Variants in PRKG1 observed in about 807,000 individuals in gnomAD.
The protein encoded by PRKG1 is protein kinase cGMP-dependent 1, also known as cGMP-dependent protein kinase 1.
A neutral mutation model predicts 88.1 loss-of-function variants in PRKG1; 35 were observed. That is an observed-to-expected ratio of 0.40 (90% CI 0.30 to 0.53). The LOEUF is 0.53. Among genes scored for constraint, PRKG1 ranks in the 20% least tolerant of loss-of-function variants. The pLI is 0.59. For synonymous variants in PRKG1, 303 were observed against 292.5 expected (o/e 1.04, Z -0.37); for missense variants, 540 against 839.8 (o/e 0.64, Z 4.41).
chr10:51,741,257 T>C (rs1837426698), intron 3 of PRKG1, among the ~76,000 whole-genome samples: 2 of 152,200 alleles, frequency 1.3e-5, no homozygotes, highest in African/African-American at 4.8e-5. Context: ...ATATGTATCA[T>C]GCACTCAGTT....
chr10:51,929,169 G>A (rs988487807), intron 5 of PRKG1, among the ~76,000 whole-genome samples: 6 of 152,076 alleles, frequency 3.9e-5, no homozygotes, highest in Non-Finnish European at 8.8e-5. Flanking sequence ...ACCAATTGCT[G>A]AGGAGTTATC....
chr10:52,211,884 C>T (rs1006945873), intron 9 of PRKG1, among the ~76,000 whole-genome samples: 3 of 151,766 alleles, frequency 2.0e-5, no homozygotes, highest in Non-Finnish European at 4.4e-5. Flanking sequence ...AGAAAAAAAA[C>T]TTGTATGAAA....
At chr10:51,404,434 C>G (rs1349922586) in intron 2 of PRKG1, among the ~76,000 whole-genome samples, 1 of 152,180 alleles carries the variant, frequency 6.6e-6, no homozygotes, top group Non-Finnish European at 1.5e-5. Context: ...AGAAAACAAA[C>G]CCAGCTGGAC....
intron 1 of PRKG1, among the ~76,000 whole-genome samples, chr10:51,142,523 A>G (rs1016782503): frequency 8.5e-5 from 13 of 152,048 alleles, no homozygotes; most frequent in African/African-American, 2.4e-4. Flanking sequence ...AGAGACACAG[A>G]CATAGAGAGA....
At chr10:51,181,303 G>A (rs1020263202) in intron 2 of PRKG1, among the ~76,000 whole-genome samples, 4 of 141,074 alleles carry the variant, frequency 2.8e-5, no homozygotes, top group African/African-American at 1.1e-4. Flanking sequence ...CTGCAGTGGC[G>A]CAATCTCGGC....
intron 3 of PRKG1, among the ~76,000 whole-genome samples, chr10:51,546,333 A>G (rs181384826): frequency 4.6e-5 from 7 of 152,202 alleles, no homozygotes; most frequent in Admixed American, 2.0e-4. Context: ...TAGTCTGAAA[A>G]TGGACTAATA....
At chr10:51,451,140 T>C (rs763694411) in intron 2 of PRKG1, among the ~76,000 whole-genome samples, 91 of 151,946 alleles carry the variant, frequency 6.0e-4, no homozygotes, top group Admixed American at 1.2e-3. Context: ...AAATTTGTGA[T>C]TTACTAATAG....
At chr10:51,214,537 A>C (rs1028214320) in intron 2 of PRKG1, among the ~76,000 whole-genome samples, 6 of 151,936 alleles carry the variant, frequency 3.9e-5, no homozygotes, top group Admixed American at 6.6e-5. Context: ...GCTGGAGCGC[A>C]GTGGCATGAT....
chr10:52,283,269 T>TC (rs1842038805), intron 14 of PRKG1, among the ~76,000 whole-genome samples: 1 of 152,004 alleles, frequency 6.6e-6, no homozygotes, highest in African/African-American at 2.4e-5. Context: ...GTTGCAGTAA[T>TC]TTAGTTCTAG....
intron 7 of PRKG1, among the ~76,000 whole-genome samples, chr10:52,106,841 A>T (rs1564471513): frequency 6.6e-6 from 1 of 151,950 alleles, no homozygotes; most frequent in Non-Finnish European, 1.5e-5. Flanking sequence ...ACACATAATG[A>T]GAGTGCCTTT....
intron 7 of PRKG1, among the ~76,000 whole-genome samples, chr10:52,132,968 A>G (rs1837307339): frequency 6.6e-6 from 1 of 152,108 alleles, no homozygotes; most frequent in Admixed American, 6.6e-5. Flanking sequence ...AATTACATTA[A>G]GTTATTTAAA....
intron 5 of PRKG1, among the ~76,000 whole-genome samples, chr10:52,013,708 TAATG>T (rs1844960430): frequency 6.6e-6 from 1 of 152,206 alleles, no homozygotes; most frequent in South Asian, 2.1e-4. Flanking sequence ...ATTTTGACTT[TAATG>T]TGTGTTTGAA....
chr10:52,225,861 C>T (rs766580227), intron 9 of PRKG1, among the ~76,000 whole-genome samples: 4 of 151,950 alleles, frequency 2.6e-5, no homozygotes, highest in Non-Finnish European at 4.4e-5. Flanking sequence ...TTTTTTTGTG[C>T]CAGTACCACA....
chr10:52,288,646 C>A (rs1367779189), intron 14 of PRKG1, 80 bp from the exon 15 acceptor site: 1 of 1,384,580 alleles, frequency 7.2e-7, no homozygotes, highest in East Asian at 2.4e-5. Context: ...TTGATGTCAT[C>A]TGTGGAGTTT....
intron 2 of PRKG1, among the ~76,000 whole-genome samples, chr10:51,406,696 A>G (rs1837930091): frequency 6.6e-6 from 1 of 151,916 alleles, no homozygotes; most frequent in African/African-American, 2.4e-5. Context: ...AGCATGTGCA[A>G]CAATAGGTGA....
At chr10:51,216,802 G>A (rs1468987173) in intron 2 of PRKG1, among the ~76,000 whole-genome samples, 1 of 152,082 alleles carries the variant, frequency 6.6e-6, no homozygotes, top group Non-Finnish European at 1.5e-5. Flanking sequence ...ATTCAGCATT[G>A]ATTTTTTCAG....
At chr10:52,285,367 C>T (rs1435760358) in intron 14 of PRKG1, among the ~76,000 whole-genome samples, 1 of 152,006 alleles carries the variant, frequency 6.6e-6, no homozygotes, top group Non-Finnish European at 1.5e-5. Context: ...ACAGTAGCTA[C>T]TCAGTAAATA....
chr10:52,166,535 A>G (rs1242505781), intron 9 of PRKG1, among the ~76,000 whole-genome samples: 1 of 143,068 alleles, frequency 7.0e-6, no homozygotes, highest in Non-Finnish European at 1.5e-5. Context: ...CCGGGTTCAC[A>G]CCATTCTCCT....
intron 4 of PRKG1, among the ~76,000 whole-genome samples, chr10:51,899,655 CA>C (rs1229876678): frequency 1.1e-5 from 1 of 87,806 alleles, no homozygotes; most frequent in Admixed American, 1.4e-4. Context: ...GAGAGTCTGT[CA>C]AAAAAAAGAA....
Sources: allele counts gnomAD v4.1 joint callset (sites outside exome capture counted in the v4.1 genomes callset), GRCh38; gene constraint gnomAD v4.1.1; transcripts MANE v1.5; gene names NCBI Gene and HGNC (gene_info 2026-07-23, HGNC 2026-07-21).